Variants in HGS observed in about 807,000 individuals in gnomAD.
HGS encodes hepatocyte growth factor-regulated tyrosine kinase substrate.
In HGS, 63 loss-of-function variants were observed where a neutral mutation model predicts 109.7. The observed-to-expected ratio is 0.57, with a 90% CI of 0.47 to 0.71. The LOEUF (loss-of-function observed/expected upper bound fraction) is 0.71, where lower values mean the gene tolerates loss of function less well. Ranked by LOEUF, HGS falls within the 30% of genes least tolerant of loss-of-function variation. The pLI is 0.00. For missense variants in HGS, 995 were observed against 1,068.3 expected, an observed-to-expected ratio of 0.93 and a Z score of 0.96; for synonymous variants, 546 against 437.3, an observed-to-expected ratio of 1.25 and a Z score of -3.10.
At chr17:81,684,187 G>T in intron 1 of HGS, 84 bp downstream of exon 1, 1 of 1,242,180 alleles carries the variant, frequency 8.1e-7, no homozygotes, top group Non-Finnish European at 1.0e-6. Context: ...CCGAGGGCCC[G>T]AGGGGCGCGG....
rs768479688 is a variant in HGS at position 81,691,524 on chromosome 17, C to G, written c.615C>G (p.Ile205Met). Residue 205 changes from isoleucine (I) to methionine (M), a missense_variant, in exon 8 of 22, where the codon ATC (isoleucine) becomes ATG (methionine). Coordinates refer to ENST00000329138, the MANE Select transcript of HGS (RefSeq NM_004712.5). The surrounding 1 kb of genome is among the most constrained non-coding windows in gnomAD (Gnocchi z 5.3). ...SKYSTIPKFG[I>M]EKEVRVCEPC... ...ACTCCACCATCCCCAAGTTTGGCATCGAGAAGGAGGTGCGCGTGTGTGAGC... is the reference window on the plus strand; with the variant it reads ...ACTCCACCATCCCCAAGTTTGGCATGGAGAAGGAGGTGCGCGTGTGTGAGC... The G allele has an allele frequency of 1.9e-6, 3 of 1,613,984 alleles. No homozygotes were observed. The highest frequency in any genetic ancestry group is 1.3e-5 in the African/African-American group (1 of 74,904).
At position 81,701,136 on chromosome 17, in the gene HGS, G is replaced by A; in HGVS notation, c.2223+5G>A. On this transcript the variant is annotated splice_donor_5th_base_variant and intron_variant, in intron 21 of 21. Coordinates refer to ENST00000329138, the MANE Select transcript of HGS (RefSeq NM_004712.5). ...CAGCAGCCCATGTACCAGCAGGTGA[G>A]CCATTCCCGGGGCCTCACAGCGGCA... 1 of 1,613,090 alleles carries A rather than the reference G, an allele frequency of 6.2e-7. No individual in the cohort carries two copies. The highest frequency in any genetic ancestry group is 8.5e-7 in the Non-Finnish European group (1 of 1,179,376).
At chr17:81,701,374 C>T (rs1322011906) in intron 21 of HGS, 134 bp from the exon 22 acceptor site, 5 of 1,030,240 alleles carry the variant, frequency 4.9e-6, no homozygotes, top group South Asian at 3.1e-5. Context: ...GCCGCATGAG[C>T]TGGCTGCATG....
chr17:81,686,218 A>G, intron 2 of HGS, 94 bp from the exon 3 acceptor site: 1 of 1,028,838 alleles, frequency 9.7e-7, no homozygotes, highest in Non-Finnish European at 1.5e-6. Context: ...GGCGTGAGCC[A>G]CTGCACCTGG....
chr17:81,693,128 T>C, intron 8 of HGS: 1 of 230,674 alleles, frequency 4.3e-6, no homozygotes, highest in Non-Finnish European at 8.4e-6. Context: ...AAGAGCTTAC[T>C]GGGCATGACA....
At chr17:81,700,440 C>A in intron 18 of HGS, 27 bp from the exon 19 acceptor site, 1 of 1,518,972 alleles carries the variant, frequency 6.6e-7, no homozygotes, top group South Asian at 1.3e-5. Context: ...CCTGGCTGAA[C>A]CATCTCCCCT....
intron 18 of HGS, among the ~76,000 whole-genome samples, chr17:81,699,725 A>G (rs982838797): frequency 2.0e-5 from 3 of 151,454 alleles, no homozygotes; most frequent in African/African-American, 7.3e-5. Flanking sequence ...CGCCCCGCCT[A>G]TGTTCCTTTT....
chr17:81,686,336 C>T lies in HGS; in HGVS notation c.147C>T (p.Ile49=). ...GAGCAAAATATGCTGTGAATTCCATCAAGAAGAAAGTCAACGACAAGAACC... is the reference window on the plus strand; with the variant it reads ...GAGCAAAATATGCTGTGAATTCCATTAAGAAGAAAGTCAACGACAAGAACC... The part of the protein sequence containing the change: ...DTQAKYAVNS[I]KKKVNDKNPH... The change falls in exon 3 of 22, where the codon ATC becomes ATT. Residue 49 remains isoleucine (I), a synonymous_variant. Transcript: ENST00000329138. 4 of 1,613,668 alleles carry T rather than the reference C, an allele frequency of 2.5e-6. No homozygotes were observed. Among genetic ancestry groups the T allele is most frequent in the Non-Finnish European group, 3.4e-6 (4 of 1,179,934 alleles).
rs116943135 is a variant in HGS, at chr17:81,687,106, C to T, written c.291+11C>T. ...AAGGACCTGCTGAAGGTGGGTGAGA[C>T]GGGGGCATGCGGGTGGCCACCCAGG... is the stretch of plus-strand genomic sequence containing the variant. On this transcript the variant is annotated intron_variant, in intron 4 of 21. Coordinates refer to ENST00000329138, the MANE Select transcript of HGS (RefSeq NM_004712.5). 509 of 1,600,442 alleles carry T rather than the reference C, an allele frequency of 3.2e-4. 4 individuals are homozygous for T. The East Asian group carries it at 8.0e-3, about 25-fold the overall frequency.
intron 8 of HGS, chr17:81,692,497 G>A (rs1225290434): frequency 6.6e-6 from 1 of 152,246 alleles, no homozygotes; most frequent in Non-Finnish European, 1.5e-5. Context: ...TTGTAACTGA[G>A]AAGAACTTGC....
chr17:81,688,919 T>C (rs995705923), intron 5 of HGS, 92 bp downstream of exon 5: 44 of 1,521,342 alleles, frequency 2.9e-5, no homozygotes, highest in Non-Finnish European at 3.7e-5. Flanking sequence ...CCTGGGAAGA[T>C]GGGTTGTTCC....
In HGS at chr17:81,693,512, G is replaced by A. The variant is rs760277629; in HGVS notation, c.672G>A (p.Glu224=). 2 of 1,613,076 alleles carry A rather than the reference G, an allele frequency of 1.2e-6. No individual in the cohort carries two copies. The highest frequency in any genetic ancestry group is 3.3e-5 in the Admixed American group (2 of 59,982). ...PCYEQLNRKA[E]GKATSTTELP... ...TTCCTTGTGCCCACAGGAAAGCGGA[G>A]GGAAAGGCCACTTCCACCACTGAGC... Residue 224 remains glutamate (E), a synonymous_variant, in exon 9 of 22, where the codon GAG becomes GAA. Coordinates refer to ENST00000329138, the MANE Select transcript of HGS (RefSeq NM_004712.5).
chr17:81,692,884 G>A (rs1338565190), intron 8 of HGS: 2 of 152,128 alleles, frequency 1.3e-5, no homozygotes, highest in Non-Finnish European at 2.9e-5. Flanking sequence ...GGTGGCAGAT[G>A]CCTGTAGTCC....
chr17:81,696,205 G>A, intron 15 of HGS, 152 bp from the exon 16 acceptor site: 1 of 1,101,540 alleles, frequency 9.1e-7, no homozygotes, highest in Non-Finnish European at 1.3e-6. Context: ...GCCCTGCCCA[G>A]GACCCTCTGC....
In HGS at chr17:81,691,251, T is replaced by C. The variant is rs779670697; in HGVS notation, c.538-196T>C. 8.1e-6 allele frequency: 5 copies of C among 614,546 alleles called. No individual in the cohort carries two copies. Among genetic ancestry groups the C allele is most frequent in the Non-Finnish European group, 1.4e-5 (5 of 347,906 alleles). The allele number at this position is 614,546 out of a possible 1,614,324, so 38.1% of individuals were successfully genotyped here. A position where few individuals can be genotyped will look rare whatever the true frequency, so the allele number is the denominator to read the frequency against. ...ACTTACCTTATTTTCCCCAAAACGG[T>C]GGCTGGCGTTGAGACTCCCGGGAGC... On this transcript the variant is annotated intron_variant, in intron 7 of 21. Transcript: ENST00000329138. The surrounding 1 kb of genome is among the most constrained non-coding windows in gnomAD (Gnocchi z 5.3).
intron 18 of HGS, 30 bp downstream of exon 18, chr17:81,697,028 C>T (rs1418092869): frequency 1.5e-5 from 22 of 1,516,530 alleles, no homozygotes; most frequent in South Asian, 4.9e-5. Flanking sequence ...GAGACCATGC[C>T]TTTTATCCCT....
chr17:81,691,172 G>A lies in HGS; in HGVS notation c.538-275G>A. 1 of 483,650 alleles carries A rather than the reference G, an allele frequency of 2.1e-6. No individual in the cohort carries two copies. Among genetic ancestry groups the A allele is most frequent in the Non-Finnish European group, 3.8e-6 (1 of 264,866 alleles). 30.0% of individuals were successfully genotyped at this position (483,650 alleles called of 1,614,324 possible). A position where few individuals can be genotyped will look rare whatever the true frequency, so the allele number is the denominator to read the frequency against. On this transcript the variant is annotated intron_variant, in intron 7 of 21. Transcript: ENST00000329138. This position sits in a 1 kb window ranked among gnomAD's most constrained non-coding sequence, Gnocchi z 5.3. ...TCCAGCACCCACTGCACTCACAAAA[G>A]CTCTTGTTTTATCAGCAGAATTGAT... is the stretch of plus-strand genomic sequence containing the variant.
intron 1 of HGS, chr17:81,684,938 A>C (rs1027112753): frequency 1.0e-6 from 1 of 985,240 alleles, no homozygotes; most frequent in African/African-American, 1.7e-5. Flanking sequence ...CTACTGAATC[A>C]GTATAGAAAG....
rs774301223 is a variant in HGS, at chr17:81,701,130, A to C, written c.2222A>C (p.Gln741Pro). 1.5e-5 allele frequency: 25 copies of C among 1,613,436 alleles called. No individual in the cohort carries two copies. Among genetic ancestry groups the C allele is most frequent in the Non-Finnish European group, 2.5e-6 (3 of 1,179,750 alleles). The change falls in exon 21 of 22, where the codon CAG (glutamine) becomes CCG (proline). Residue 741 changes from glutamine (Q) to proline (P), a missense_variant and splice_region_variant. By Grantham distance (76) the Gln-to-Pro change is moderately conservative. This residue lies in a region of HGS where 326 missense variants were observed against 309.7 expected (regional missense o/e 1.05). Coordinates refer to ENST00000329138, the MANE Select transcript of HGS (RefSeq NM_004712.5). Reference sequence around the variant, plus strand: ...GCGGGGCAGCAGCCCATGTACCAGCAGGTGAGCCATTCCCGGGGCCTCACA... The same window carrying C: ...GCGGGGCAGCAGCCCATGTACCAGCCGGTGAGCCATTCCCGGGGCCTCACA... ...YIAGQQPMYQ[Q>P]MAPSGGPPQQ...
Sources: gnomAD v4.1 joint callset for allele counts (sites outside exome capture counted in the v4.1 genomes callset) on GRCh38, gnomAD v4.1.1 for gene constraint, gnomAD v4.1.1 regional missense constraint, Gnocchi (gnomAD v3.1) non-coding constraint, MANE v1.5 for transcripts, NCBI Gene and HGNC (gene_info 2026-07-23, HGNC 2026-07-21) for gene names.